KCNJ3: variants seen among roughly 807,000 people sequenced by gnomAD.
The protein encoded by KCNJ3 is G protein-activated inward rectifier potassium channel 1.
A neutral mutation model predicts 39.2 loss-of-function variants in KCNJ3; 4 were observed. That is an observed-to-expected ratio of 0.10 (90% CI 0.05 to 0.23). The LOEUF is 0.23. Ranked by LOEUF, KCNJ3 falls within the 10% of genes least tolerant of loss-of-function variation. The pLI, the probability that KCNJ3 is intolerant of heterozygous loss-of-function variation, is 1.00. For missense variants in KCNJ3, 276 were observed against 634.9 expected (o/e 0.43, Z 6.08); for synonymous variants, 230 against 237.4 (o/e 0.97, Z 0.29).
chr2:154,818,608 A>C (rs1687118842), intron 2 of KCNJ3, among the ~76,000 whole-genome samples: 1 of 152,196 alleles, frequency 6.6e-6, no homozygotes, highest in African/African-American at 2.4e-5. Context: ...AGACCCTAGA[A>C]AAGTCATACA....
At chr2:154,794,559 G>C (rs1265289880) in intron 2 of KCNJ3, among the ~76,000 whole-genome samples, 1 of 151,928 alleles carries the variant, frequency 6.6e-6, no homozygotes, top group Admixed American at 6.6e-5. Flanking sequence ...AGAGATCCAG[G>C]AATAAATATA....
chr2:154,705,096 A>G (rs1684979880), intron 1 of KCNJ3, among the ~76,000 whole-genome samples: 1 of 152,214 alleles, frequency 6.6e-6, no homozygotes, highest in Admixed American at 6.5e-5. Context: ...TCTATAGTGT[A>G]GGACAGTAGT....
At chr2:154,833,893 A>G (rs571506508) in intron 2 of KCNJ3, among the ~76,000 whole-genome samples, 19 of 152,162 alleles carry the variant, frequency 1.2e-4, no homozygotes, top group Middle Eastern at 3.4e-3. Flanking sequence ...TTACTAAATA[A>G]TAATTCTGTT....
At chr2:154,811,318 A>G (rs898937907) in intron 2 of KCNJ3, among the ~76,000 whole-genome samples, 11 of 152,250 alleles carry the variant, frequency 7.2e-5, no homozygotes, top group African/African-American at 2.6e-4. Context: ...AACTGGTTCC[A>G]TATGCTCTTG....
chr2:154,760,483 G>T (rs187618534), intron 2 of KCNJ3, among the ~76,000 whole-genome samples: 79 of 151,970 alleles, frequency 5.2e-4, no homozygotes, highest in African/African-American at 1.9e-3. Flanking sequence ...TTTATTTTAA[G>T]GGATCTTAAT....
chr2:154,799,340 A>G (rs899820770), intron 2 of KCNJ3, among the ~76,000 whole-genome samples: 1 of 152,050 alleles, frequency 6.6e-6, no homozygotes, highest in African/African-American at 2.4e-5. Context: ...CTCTTTCACC[A>G]TGTTGGCCAG....
chr2:154,812,966 A>G (rs895457903), intron 2 of KCNJ3, among the ~76,000 whole-genome samples: 3 of 152,174 alleles, frequency 2.0e-5, no homozygotes, highest in African/African-American at 7.2e-5. Context: ...AGTGTTTTAC[A>G]TTTAGTGTAT....
intron 2 of KCNJ3, among the ~76,000 whole-genome samples, chr2:154,715,928 C>T (rs1685172756): frequency 6.6e-6 from 1 of 152,252 alleles, no homozygotes; most frequent in Admixed American, 6.5e-5. Flanking sequence ...TTTCAATTTA[C>T]TTATCACCAA....
At chr2:154,844,453 G>A (rs184572841) in intron 2 of KCNJ3, among the ~76,000 whole-genome samples, 89 of 152,312 alleles carry the variant, frequency 5.8e-4, no homozygotes, top group African/African-American at 1.5e-3. Flanking sequence ...CTCAGACGCC[G>A]TGCTGGGAGA....
chr2:154,854,589 A>G (rs752736256), intron 2 of KCNJ3, 138 bp from the exon 3 acceptor site: 2 of 589,620 alleles, frequency 3.4e-6, no homozygotes, highest in South Asian at 5.1e-5. Flanking sequence ...TACAACTTTT[A>G]ATCTATTCTA....
intron 2 of KCNJ3, among the ~76,000 whole-genome samples, chr2:154,759,365 T>TG: frequency 6.7e-6 from 1 of 150,030 alleles, no homozygotes; most frequent in Admixed American, 6.7e-5. Flanking sequence ...TTTTACAACT[T>TG]TTTTTTTTTT....
chr2:154,716,182 C>T (rs1003250825), intron 2 of KCNJ3, among the ~76,000 whole-genome samples: 1 of 151,604 alleles, frequency 6.6e-6, no homozygotes. Flanking sequence ...CTGCAAGCTC[C>T]GCCTCCTGGG....
chr2:154,821,934 C>G (rs1161589666), intron 2 of KCNJ3, among the ~76,000 whole-genome samples: 1 of 151,950 alleles, frequency 6.6e-6, no homozygotes, highest in East Asian at 1.9e-4. Context: ...AGCCACCGCT[C>G]CCAGCCTGAA....
chr2:154,709,908 TGACTCAGA>T, intron 2 of KCNJ3, 89 bp downstream of exon 2: 1 of 1,412,986 alleles, frequency 7.1e-7, no homozygotes, highest in South Asian at 1.4e-5. Flanking sequence ...TTGGGCGAAA[TGACTCAGA>T]GTTTACAATA....
intron 2 of KCNJ3, among the ~76,000 whole-genome samples, chr2:154,826,937 C>T (rs563568402): frequency 6.6e-5 from 10 of 152,222 alleles, no homozygotes; most frequent in Non-Finnish European, 1.3e-4. Flanking sequence ...ATTTGTATTT[C>T]GTGTTCAAAA....
rs558580412 is a variant in KCNJ3, at chr2:154,795,694, T to G, written c.920-59033T>G. ...TGGTAGCTTTGTAGATGAAATAAAT[T>G]ATGCGTATTTTTATTAGGTACACTG... On this transcript the variant is annotated intron_variant, in intron 2 of 2. Coordinates refer to ENST00000295101, the MANE Select transcript of KCNJ3 (RefSeq NM_002239.4). 2.4e-4 allele frequency among the ~76,000 whole-genome samples: 37 copies of G among 152,190 alleles called. 1 individual carries two copies. The highest frequency in any genetic ancestry group is 3.1e-4 in the Non-Finnish European group (21 of 67,964).
At chr2:154,833,668 T>TA (rs1459129721) in intron 2 of KCNJ3, among the ~76,000 whole-genome samples, 3 of 152,198 alleles carry the variant, frequency 2.0e-5, no homozygotes, top group South Asian at 2.1e-4. Flanking sequence ...TCCACTGCCC[T>TA]AAAAATCTCT....
intron 2 of KCNJ3, among the ~76,000 whole-genome samples, chr2:154,828,276 A>C (rs1687303610): frequency 6.6e-6 from 1 of 152,236 alleles, no homozygotes; most frequent in African/African-American, 2.4e-5. Context: ...AACTTTGTAA[A>C]AGCTATCCAA....
At chr2:154,799,066 T>A (rs969808159) in intron 2 of KCNJ3, among the ~76,000 whole-genome samples, 1 of 152,068 alleles carries the variant, frequency 6.6e-6, no homozygotes, top group African/African-American at 2.4e-5. Context: ...TCTGTGAGAA[T>A]TACGTATGTA....
Sources: allele counts gnomAD v4.1 joint callset (sites outside exome capture counted in the v4.1 genomes callset), GRCh38; gene constraint gnomAD v4.1.1; transcripts MANE v1.5; gene names NCBI Gene and HGNC (gene_info 2026-07-23, HGNC 2026-07-21).